Variants in PAN3 observed in about 807,000 individuals in gnomAD.
The protein encoded by PAN3 is poly(A) specific ribonuclease subunit PAN3.
A neutral mutation model predicts 96.2 loss-of-function variants in PAN3; 19 were observed. The observed-to-expected ratio is 0.20, with a 90% CI of 0.14 to 0.29. PAN3 has a LOEUF of 0.29. Among genes scored for constraint, PAN3 ranks in the 10% least tolerant of loss-of-function variants. PAN3 has a pLI of 1.00. For synonymous variants in PAN3, 433 were observed against 406.6 expected (o/e 1.06, Z -0.78); for missense variants, 882 against 1,108.1 (o/e 0.80, Z 2.90).
At position 28,189,857 on chromosome 13, in the gene PAN3, A is replaced by G. The variant is rs139274732; in HGVS notation, c.691-7328A>G. On this transcript the variant is annotated intron_variant, in intron 4 of 18. Coordinates refer to ENST00000380958, the MANE Select transcript of PAN3 (RefSeq NM_175854.8). The stretch of plus-strand genomic sequence containing the variant: ...TCCCTGGAAGATTTCTGTGTTCACT[A>G]TTGTTTGAGAAGTGCTACTCTAGAA... 2.4e-4 allele frequency among the ~76,000 whole-genome samples: 36 copies of G among 152,246 alleles called. No individual in the cohort carries two copies. In the Middle Eastern group the frequency reaches 0.01, roughly 43 times the overall value.
intron 2 of PAN3, among the ~76,000 whole-genome samples, chr13:28,174,713 G>T (rs1379503271): frequency 6.6e-6 from 1 of 152,056 alleles, no homozygotes; most frequent in African/African-American, 2.4e-5. Flanking sequence ...TTTTAAGCAG[G>T]TTATACATGT....
chr13:28,288,931 A>C (rs1191352917), intron 18 of PAN3, among the ~76,000 whole-genome samples: 1 of 145,476 alleles, frequency 6.9e-6, no homozygotes, highest in African/African-American at 2.6e-5. Context: ...GGTTCACGCC[A>C]TTCTCCTGCC....
chr13:28,190,091 G>A (rs568380461), intron 4 of PAN3, among the ~76,000 whole-genome samples: 104 of 152,166 alleles, frequency 6.8e-4, no homozygotes, highest in Non-Finnish European at 1.3e-3. Context: ...TTATAGGCGC[G>A]TACCACCACG....
intron 6 of PAN3, among the ~76,000 whole-genome samples, chr13:28,247,136 T>C (rs9554291): frequency 0.13 from 19,154 of 152,130 alleles, 1,411 homozygotes; most frequent in East Asian, 0.32. Flanking sequence ...TATGATCTCA[T>C]TGTGGTTTTG....
chr13:28,284,102 G>A (rs1176181253), intron 17 of PAN3, among the ~76,000 whole-genome samples: 1 of 152,130 alleles, frequency 6.6e-6, no homozygotes, highest in African/African-American at 2.4e-5. Context: ...ATAGCTATTG[G>A]AGAATAGTTT....
At chr13:28,170,102 A>G (rs1273781376) in intron 1 of PAN3, among the ~76,000 whole-genome samples, 1 of 152,160 alleles carries the variant, frequency 6.6e-6, no homozygotes, top group African/African-American at 2.4e-5. Flanking sequence ...ATTACTGGCT[A>G]TATCAGCACT....
chr13:28,141,371 A>T (rs543083689), intron 1 of PAN3, among the ~76,000 whole-genome samples: 9 of 151,500 alleles, frequency 5.9e-5, no homozygotes, highest in African/African-American at 2.2e-4. Context: ...TTCTCTTTTT[A>T]AAAAAAACTT....
At chr13:28,143,361 T>A (rs1870137353) in intron 1 of PAN3, among the ~76,000 whole-genome samples, 1 of 152,244 alleles carries the variant, frequency 6.6e-6, no homozygotes, top group African/African-American at 2.4e-5. Context: ...GATGTAATTC[T>A]AATATTTTCA....
At chr13:28,240,605 T>C (rs1309164768) in intron 6 of PAN3, among the ~76,000 whole-genome samples, 1 of 152,240 alleles carries the variant, frequency 6.6e-6, no homozygotes, top group East Asian at 1.9e-4. Context: ...TCATCCATCA[T>C]GGCAGAGTTT....
intron 15 of PAN3, among the ~76,000 whole-genome samples, chr13:28,278,537 ACTATT>A (rs1182548672): frequency 6.6e-6 from 1 of 152,162 alleles, no homozygotes; most frequent in African/African-American, 2.4e-5. Flanking sequence ...TCATTATATT[ACTATT>A]CTATTATAAA....
At chr13:28,244,650 G>A (rs998015030) in intron 6 of PAN3, among the ~76,000 whole-genome samples, 1 of 151,902 alleles carries the variant, frequency 6.6e-6, no homozygotes, top group African/African-American at 2.4e-5. Flanking sequence ...ATTACTGTAG[G>A]TTTGATCATT....
At chr13:28,268,924 C>T (rs1052908372) in intron 12 of PAN3, among the ~76,000 whole-genome samples, 1 of 152,046 alleles carries the variant, frequency 6.6e-6, no homozygotes, top group African/African-American at 2.4e-5. Context: ...GCTATGTCAT[C>T]TGTAGACACA....
chr13:28,248,219 G>C (rs559260432), intron 6 of PAN3, among the ~76,000 whole-genome samples: 1 of 152,000 alleles, frequency 6.6e-6, no homozygotes, highest in Admixed American at 6.5e-5. Context: ...TCTTCAGGTT[G>C]TTCACTGTTG....
intron 6 of PAN3, among the ~76,000 whole-genome samples, chr13:28,228,846 G>A (rs1045363627): frequency 2.6e-5 from 4 of 152,194 alleles, no homozygotes; most frequent in African/African-American, 4.8e-5. Flanking sequence ...GCGAGGTGGT[G>A]TAAGTTAAAC....
At chr13:28,280,841 G>A (rs770596499) in intron 16 of PAN3, among the ~76,000 whole-genome samples, 4 of 152,136 alleles carry the variant, frequency 2.6e-5, no homozygotes, top group Admixed American at 6.5e-5. Context: ...GATTACAGGC[G>A]TGAGCCATTG....
intron 4 of PAN3, among the ~76,000 whole-genome samples, chr13:28,193,388 G>A (rs1877530742): frequency 6.6e-6 from 1 of 152,098 alleles, no homozygotes; most frequent in African/African-American, 2.4e-5. Flanking sequence ...TTTTTGAAAT[G>A]AAGAAACGTA....
intron 6 of PAN3, among the ~76,000 whole-genome samples, chr13:28,230,033 C>T (rs960352524): frequency 1.3e-5 from 2 of 151,932 alleles, no homozygotes; most frequent in Non-Finnish European, 1.5e-5. Flanking sequence ...GCTAAGAACA[C>T]AAAGATATCT....
chr13:28,179,986 TTAG>T (rs1229355257), intron 4 of PAN3, among the ~76,000 whole-genome samples: 4 of 152,176 alleles, frequency 2.6e-5, no homozygotes, highest in African/African-American at 7.2e-5. Context: ...GAAAATAATG[TTAG>T]TAGAAATGTG....
At chr13:28,237,090 A>G (rs1883185448) in intron 6 of PAN3, among the ~76,000 whole-genome samples, 1 of 152,140 alleles carries the variant, frequency 6.6e-6, no homozygotes, top group African/African-American at 2.4e-5. Flanking sequence ...ATTTATATCC[A>G]AAGAGTAGAA....
Sources: allele counts gnomAD v4.1 joint callset (sites outside exome capture counted in the v4.1 genomes callset), GRCh38; gene constraint gnomAD v4.1.1; transcripts MANE v1.5; gene names NCBI Gene and HGNC (gene_info 2026-07-23, HGNC 2026-07-21).